Variants in BLTP3A observed in about 807,000 individuals in gnomAD.
The protein encoded by BLTP3A is ICBP90 binding protein 1.
chr6:34,834,498 C>T, the BLTP3A span: 14 of 1,525,180 alleles, frequency 9.2e-6, no homozygotes, highest in Non-Finnish European at 6.2e-6. Flanking sequence ...TTGTGGATTT[C>T]CTCAAATGTT....
chr6:34,871,310 G>A, the BLTP3A span, among the ~76,000 whole-genome samples: 1 of 152,138 alleles, frequency 6.6e-6, no homozygotes, highest in Non-Finnish European at 1.5e-5. Flanking sequence ...AATGTGTGTT[G>A]CTGTCAGAAA....
chr6:34,816,475 G>A, the BLTP3A span, among the ~76,000 whole-genome samples: 1 of 150,072 alleles, frequency 6.7e-6, no homozygotes, highest in African/African-American at 2.5e-5. Context: ...GCTGGGTATA[G>A]TGACATGCAC....
At chr6:34,865,853 G>T in the BLTP3A span, among the ~76,000 whole-genome samples, 1 of 152,140 alleles carries the variant, frequency 6.6e-6, no homozygotes, top group Non-Finnish European at 1.5e-5. Flanking sequence ...TCATGTCTAT[G>T]TACAAAAGTA....
At chr6:34,874,645 A>T in the BLTP3A span, 1 of 152,274 alleles carries the variant, frequency 6.6e-6, no homozygotes, top group Non-Finnish European at 1.5e-5. Flanking sequence ...TGGAAGAATT[A>T]TCAACTGATA....
At chr6:34,814,017 T>G in the BLTP3A span, among the ~76,000 whole-genome samples, 1 of 151,460 alleles carries the variant, frequency 6.6e-6, no homozygotes, top group East Asian at 1.9e-4. Context: ...ATTTTTATTT[T>G]TATTACTTTT....
chr6:34,856,168 T>A, the BLTP3A span: 1 of 1,547,740 alleles, frequency 6.5e-7, no homozygotes, highest in East Asian at 2.3e-5. Flanking sequence ...ATGACTATAC[T>A]GACAGAAAGG....
chr6:34,810,530 C>T, the BLTP3A span, among the ~76,000 whole-genome samples: 1 of 152,228 alleles, frequency 6.6e-6, no homozygotes, highest in Non-Finnish European at 1.5e-5. Flanking sequence ...GTCACCCAGG[C>T]TGGATTGCAT....
the BLTP3A span, among the ~76,000 whole-genome samples, chr6:34,816,771 G>A: frequency 6.6e-6 from 1 of 152,164 alleles, no homozygotes; most frequent in Non-Finnish European, 1.5e-5. Context: ...GGGGTAGAAA[G>A]GTAACATCTT....
the BLTP3A span, among the ~76,000 whole-genome samples, chr6:34,827,167 C>T: frequency 2.2e-4 from 34 of 152,046 alleles, no homozygotes; most frequent in East Asian, 4.3e-3. Flanking sequence ...AAAAATTAGC[C>T]GGGCGTGGTG....
At chr6:34,827,637 G>C in the BLTP3A span, among the ~76,000 whole-genome samples, 1 of 152,086 alleles carries the variant, frequency 6.6e-6, no homozygotes, top group Non-Finnish European at 1.5e-5. Context: ...TGTTTGTTTT[G>C]TTTTGTTTGA....
At chr6:34,840,912 A>C in the BLTP3A span, among the ~76,000 whole-genome samples, 1 of 151,558 alleles carries the variant, frequency 6.6e-6, no homozygotes, top group East Asian at 2.0e-4. Context: ...ACGCCAGGCT[A>C]ATTTCACTTT....
the BLTP3A span, among the ~76,000 whole-genome samples, chr6:34,824,740 G>C: frequency 1.3e-5 from 2 of 151,298 alleles, no homozygotes; most frequent in African/African-American, 4.9e-5. Flanking sequence ...GCACGATCTT[G>C]GCTCACTGCA....
chr6:34,847,933 T>C, the BLTP3A span, among the ~76,000 whole-genome samples: 3 of 138,096 alleles, frequency 2.2e-5, no homozygotes, highest in African/African-American at 8.4e-5. Flanking sequence ...TTTTTTTTTT[T>C]TTTTTTTGAG....
At chr6:34,841,957 A>G in the BLTP3A span, among the ~76,000 whole-genome samples, 1 of 152,166 alleles carries the variant, frequency 6.6e-6, no homozygotes, top group Non-Finnish European at 1.5e-5. Flanking sequence ...TTTTAAGGGC[A>G]GGCTATTCTC....
chr6:34,810,224 G>C, the BLTP3A span, among the ~76,000 whole-genome samples: 31 of 152,178 alleles, frequency 2.0e-4, no homozygotes, highest in African/African-American at 7.2e-4. Flanking sequence ...GGCACATTGT[G>C]TGGGTCCCAT....
the BLTP3A span, chr6:34,871,069 G>A: frequency 1.2e-6 from 2 of 1,613,994 alleles, no homozygotes; most frequent in Non-Finnish European, 1.7e-6. Context: ...GATCCCGGTG[G>A]TAGTCCCCAT....
the BLTP3A span, among the ~76,000 whole-genome samples, chr6:34,866,061 C>T: frequency 6.6e-6 from 1 of 152,100 alleles, no homozygotes; most frequent in Non-Finnish European, 1.5e-5. Context: ...CTTATATATT[C>T]ACCTTAGACA....
chr6:34,798,023 T>G, the BLTP3A span, among the ~76,000 whole-genome samples: 8 of 152,218 alleles, frequency 5.3e-5, no homozygotes, highest in South Asian at 1.0e-3. Context: ...AGAAACAATA[T>G]TACTAGCATC....
the BLTP3A span, among the ~76,000 whole-genome samples, chr6:34,828,564 A>G: frequency 6.6e-6 from 1 of 151,596 alleles, no homozygotes; most frequent in Non-Finnish European, 1.5e-5. Context: ...GAATATGCTT[A>G]TCTTTTGGAG....
Sources: allele counts gnomAD v4.1 joint callset (sites outside exome capture counted in the v4.1 genomes callset), GRCh38; gene constraint gnomAD v4.1.1; transcripts MANE v1.5; gene names NCBI Gene and HGNC (gene_info 2026-07-23, HGNC 2026-07-21).